Variants in GALNT18 observed in about 807,000 individuals in gnomAD.
GALNT18 encodes polypeptide N-acetylgalactosaminyltransferase 18.
In GALNT18, 44 loss-of-function variants were observed where a neutral mutation model predicts 69.5. The observed-to-expected ratio is 0.63, with a 90% CI of 0.50 to 0.81. The LOEUF (loss-of-function observed/expected upper bound fraction) is 0.81. Ranked by LOEUF, GALNT18 falls within the 40% of genes least tolerant of loss-of-function variation. The pLI, the probability that GALNT18 is intolerant of heterozygous loss-of-function variation, is 0.00. For missense variants in GALNT18, 715 were observed against 810.0 expected (o/e 0.88, Z 1.42); for synonymous variants, 364 against 318.2 (o/e 1.14, Z -1.53).
At chr11:11,326,950 G>C in intron 9 of GALNT18, 136 bp downstream of exon 9, 1 of 639,230 alleles carries the variant, frequency 1.6e-6, no homozygotes. Context: ...CTAATGAAAA[G>C]CCCCAGAGGC....
At chr11:11,374,780 G>C (rs929548184) in intron 5 of GALNT18, among the ~76,000 whole-genome samples, 4 of 152,224 alleles carry the variant, frequency 2.6e-5, no homozygotes, top group African/African-American at 9.6e-5. Flanking sequence ...ACCATAAATA[G>C]ATAAATGTCT....
At chr11:11,531,742 G>A (rs1564997379) in intron 1 of GALNT18, among the ~76,000 whole-genome samples, 1 of 152,208 alleles carries the variant, frequency 6.6e-6, no homozygotes, top group East Asian at 1.9e-4. Flanking sequence ...AGCCCTAGGT[G>A]TAACAAGAGC....
chr11:11,524,812 T>C (rs1857482258), intron 1 of GALNT18, among the ~76,000 whole-genome samples: 1 of 152,198 alleles, frequency 6.6e-6, no homozygotes, highest in South Asian at 2.1e-4. Flanking sequence ...ACAAACGAAA[T>C]GTATAAGTAA....
chr11:11,292,610 G>C lies in GALNT18; in HGVS notation c.1677+419C>G, dbSNP rs535508956. On this transcript the variant is annotated intron_variant, in intron 10 of 10. Coordinates refer to ENST00000227756, the MANE Select transcript of GALNT18 (RefSeq NM_198516.3). ...TCTGGGAGACTGGGGGCTCCATCTC[G>C]TGAGCAGAGGCTTGTATAGGAGAAA... Among the ~76,000 whole-genome samples, 24 of 152,216 alleles carry C rather than the reference G, an allele frequency of 1.6e-4. 1 individual carries two copies. The South Asian group carries it at 4.8e-3, about 30-fold the overall frequency.
intron 3 of GALNT18, among the ~76,000 whole-genome samples, chr11:11,403,918 C>G (rs1473817047): frequency 6.6e-6 from 1 of 152,204 alleles, no homozygotes; most frequent in Non-Finnish European, 1.5e-5. Context: ...GGAAACCCAG[C>G]CCTGCTGCCA....
Position 11,500,303 on chromosome 11 carries a change from A to G in GALNT18, c.236-51367T>C, listed in dbSNP as rs1590055218. ...TCCCGGGAGTCCCTAATACTGGCGG[A>G]CAGAGATGGGTTTCAAATCCCAATT... On this transcript the variant is annotated intron_variant, in intron 1 of 10. Coordinates refer to ENST00000227756, the MANE Select transcript of GALNT18 (RefSeq NM_198516.3). The surrounding 1 kb of genome is among the most constrained non-coding windows in gnomAD (Gnocchi z 5.0). 6.6e-6 allele frequency among the ~76,000 whole-genome samples: 1 copy of G among 152,204 alleles called. No homozygotes were observed. Among genetic ancestry groups the G allele is most frequent in the South Asian group, 2.1e-4 (1 of 4,830 alleles).
intron 1 of GALNT18, among the ~76,000 whole-genome samples, chr11:11,544,599 G>A (rs1235415899): frequency 6.6e-6 from 1 of 152,178 alleles, no homozygotes; most frequent in Non-Finnish European, 1.5e-5. Flanking sequence ...AGAATGTGCA[G>A]GTTTGTTACA....
In GALNT18 at chr11:11,389,262, C is replaced by T. The variant is rs770494757; in HGVS notation, c.596-9998G>A. Among the ~76,000 whole-genome samples the T allele has an allele frequency of 1.1e-4, 17 of 152,188 alleles. No homozygotes were observed. The highest frequency in any genetic ancestry group is 4.6e-4 in the Admixed American group (7 of 15,278). On this transcript the variant is annotated intron_variant, in intron 3 of 10. Coordinates refer to ENST00000227756, the MANE Select transcript of GALNT18 (RefSeq NM_198516.3). The surrounding 1 kb of genome is among the most constrained non-coding windows in gnomAD (Gnocchi z 4.3). ...TTTTCCAGTCTGTCCAGCAGCCTTC[C>T]GAAGGAGTCAGCTTTGTAGGCTCAA... is the stretch of plus-strand genomic sequence containing the variant.
chr11:11,359,686 A>G (rs79696347), intron 6 of GALNT18, among the ~76,000 whole-genome samples: 1 of 152,202 alleles, frequency 6.6e-6, no homozygotes, highest in Admixed American at 6.5e-5. Context: ...TGAATCACTG[A>G]GCACTGAAAT....
At chr11:11,274,345 C>A (rs145692295) in intron 10 of GALNT18, among the ~76,000 whole-genome samples, 2 of 152,118 alleles carry the variant, frequency 1.3e-5, no homozygotes, top group Non-Finnish European at 2.9e-5. Flanking sequence ...GTGACAGAAC[C>A]GTTCACTCTC....
At chr11:11,433,980 A>G (rs1855338798) in intron 2 of GALNT18, among the ~76,000 whole-genome samples, 3 of 152,112 alleles carry the variant, frequency 2.0e-5, no homozygotes, top group African/African-American at 4.8e-5. Flanking sequence ...AATAATGAGC[A>G]TAATTGCACA....
chr11:11,500,695 C>T lies in GALNT18; in HGVS notation c.236-51759G>A, dbSNP rs1230004351. On this transcript the variant is annotated intron_variant, in intron 1 of 10. Coordinates refer to ENST00000227756, the MANE Select transcript of GALNT18 (RefSeq NM_198516.3). The surrounding 1 kb of genome is among the most constrained non-coding windows in gnomAD (Gnocchi z 5.0). The stretch of plus-strand genomic sequence containing the variant: ...GCACAGCACAGAGTCAGCCTCAGCA[C>T]GTTTTAGCACCCACAACCCCTCCTC... Among the ~76,000 whole-genome samples, 2 of 152,194 alleles carry T rather than the reference C, an allele frequency of 1.3e-5. No individual in the cohort carries two copies. Among genetic ancestry groups the T allele is most frequent in the Non-Finnish European group, 2.9e-5 (2 of 68,028 alleles).
intron 1 of GALNT18, among the ~76,000 whole-genome samples, chr11:11,535,115 T>C (rs1857746345): frequency 6.6e-6 from 1 of 152,244 alleles, no homozygotes; most frequent in African/African-American, 2.4e-5. Flanking sequence ...CAAAGTCCCG[T>C]GGAGTATCTG....
intron 9 of GALNT18, 101 bp from the exon 10 acceptor site, chr11:11,293,294 G>A (rs887143673): frequency 1.5e-4 from 149 of 975,934 alleles, no homozygotes; most frequent in Non-Finnish European, 1.9e-4. Context: ...AGAGGCCACA[G>A]TTAGGGAAGA....
At chr11:11,519,627 C>T (rs924868006) in intron 1 of GALNT18, among the ~76,000 whole-genome samples, 1 of 152,224 alleles carries the variant, frequency 6.6e-6, no homozygotes, top group African/African-American at 2.4e-5. Context: ...CTTTCTTTCA[C>T]TCCCCCATCA....
chr11:11,588,232 A>G (rs1188286825), intron 1 of GALNT18, among the ~76,000 whole-genome samples: 1 of 152,016 alleles, frequency 6.6e-6, no homozygotes, highest in African/African-American at 2.4e-5. Context: ...TCACCTTGGG[A>G]ATGGATTACT....
rs769466110 is a variant in GALNT18 at position 11,382,219 on chromosome 11, C to G, written c.596-2955G>C. On this transcript the variant is annotated intron_variant, in intron 3 of 10. Coordinates refer to ENST00000227756, the MANE Select transcript of GALNT18 (RefSeq NM_198516.3). The surrounding 1 kb of genome is among the most constrained non-coding windows in gnomAD (Gnocchi z 4.3). The stretch of plus-strand genomic sequence containing the variant: ...GGGAATTCTCTTAGCCCCAACCAAA[C>G]AACTGCTATCCAAAAAAGAAAATAA... 2.0e-5 allele frequency among the ~76,000 whole-genome samples: 3 copies of G among 152,166 alleles called. No individual in the cohort carries two copies. Among genetic ancestry groups the G allele is most frequent in the Non-Finnish European group, 2.9e-5 (2 of 68,030 alleles).
chr11:11,306,157 C>G (rs1849574558), intron 9 of GALNT18, among the ~76,000 whole-genome samples: 1 of 152,022 alleles, frequency 6.6e-6, no homozygotes, highest in African/African-American at 2.4e-5. Flanking sequence ...TTATTCTGCA[C>G]AGCATTAAGC....
chr11:11,395,208 T>C (rs1371585087), intron 3 of GALNT18, among the ~76,000 whole-genome samples: 1 of 152,204 alleles, frequency 6.6e-6, no homozygotes, highest in Non-Finnish European at 1.5e-5. Flanking sequence ...GGTGTCCCCA[T>C]GCCTCTATGA....
Sources: gnomAD v4.1 joint callset for allele counts (sites outside exome capture counted in the v4.1 genomes callset) on GRCh38, gnomAD v4.1.1 for gene constraint, Gnocchi (gnomAD v3.1) non-coding constraint, MANE v1.5 for transcripts, NCBI Gene and HGNC (gene_info 2026-07-23, HGNC 2026-07-21) for gene names.